The following BMP5 variants were observed in gnomAD, a reference collection of about 807,000 sequenced individuals.
BMP5 encodes bone morphogenetic protein 5.
Under a neutral mutation model 46.6 loss-of-function variants are expected in BMP5, and 23 were observed. The ratio of observed to expected loss-of-function variants is 0.49; its 90% CI spans 0.35 to 0.70. BMP5 has a LOEUF of 0.70. Ranked by LOEUF, BMP5 falls within the 30% of genes least tolerant of loss-of-function variation. BMP5 has a pLI of 0.00. For synonymous variants in BMP5, 204 were observed against 191.9 expected (o/e 1.06, Z -0.52); for missense variants, 545 against 565.6 (o/e 0.96, Z 0.37).
At chr6:55,855,762 C>T (rs1394017142) in intron 1 of BMP5, among the ~76,000 whole-genome samples, 1 of 152,078 alleles carries the variant, frequency 6.6e-6, no homozygotes, top group African/African-American at 2.4e-5. Flanking sequence ...AGTTCTTTGG[C>T]TGCTACTTTT....
intron 2 of BMP5, among the ~76,000 whole-genome samples, chr6:55,801,119 T>C (rs1485319845): frequency 2.0e-5 from 3 of 152,236 alleles, no homozygotes; most frequent in Non-Finnish European, 2.9e-5. Context: ...TTTTATACTA[T>C]ATCAATTCAA....
At chr6:55,842,471 C>G (rs1776985719) in intron 1 of BMP5, among the ~76,000 whole-genome samples, 1 of 152,126 alleles carries the variant, frequency 6.6e-6, no homozygotes, top group African/African-American at 2.4e-5. Context: ...AACACTCCCC[C>G]AGGTTTACAA....
At chr6:55,765,569 C>A (rs771387850) in intron 4 of BMP5, among the ~76,000 whole-genome samples, 1 of 151,998 alleles carries the variant, frequency 6.6e-6, no homozygotes, top group Non-Finnish European at 1.5e-5. Flanking sequence ...TTTGATATGA[C>A]CTTGGGGGTA....
intron 1 of BMP5, among the ~76,000 whole-genome samples, chr6:55,869,021 A>G (rs1777716612): frequency 6.6e-6 from 1 of 152,030 alleles, no homozygotes; most frequent in Non-Finnish European, 1.5e-5. Context: ...TTTCTCTCCA[A>G]CCCTTTCAGT....
chr6:55,775,093 G>A (rs1199512264), intron 3 of BMP5, among the ~76,000 whole-genome samples: 1 of 151,882 alleles, frequency 6.6e-6, no homozygotes, highest in East Asian at 1.9e-4. Flanking sequence ...AGACCCTTAT[G>A]TGTTCTTTGA....
intron 5 of BMP5, among the ~76,000 whole-genome samples, chr6:55,759,890 T>C (rs1199831454): frequency 6.6e-6 from 1 of 152,004 alleles, no homozygotes; most frequent in Non-Finnish European, 1.5e-5. Context: ...GGAACTCATA[T>C]ATGAGAATCC....
chr6:55,850,834 T>C (rs955968592), intron 1 of BMP5, among the ~76,000 whole-genome samples: 5 of 152,292 alleles, frequency 3.3e-5, no homozygotes, highest in African/African-American at 7.2e-5. Flanking sequence ...GTTGTGTAAA[T>C]GTGGGCCTCT....
At chr6:55,789,703 A>G (rs919101539) in intron 3 of BMP5, among the ~76,000 whole-genome samples, 2 of 152,128 alleles carry the variant, frequency 1.3e-5, no homozygotes, top group African/African-American at 4.8e-5. Flanking sequence ...CCACCATGAG[A>G]AAGTGCTTGA....
In BMP5 at chr6:55,794,184, A is replaced by C. The variant is rs1469255071; in HGVS notation, c.832+95T>G. On this transcript the variant is annotated intron_variant, in intron 3 of 6. Transcript: ENST00000370830. ...GAATGCGTTGACTTGGACATCATAA[A>C]TATAAAACATATATTGGTTATATCA... 5.9e-6 allele frequency: 8 copies of C among 1,361,058 alleles called. 1 individual carries two copies. The highest frequency in any genetic ancestry group is 8.2e-6 in the Non-Finnish European group (8 of 977,568). 84.3% of individuals were successfully genotyped at this position (1,361,058 alleles called of 1,614,324 possible).
At chr6:55,811,717 C>T (rs1562049874) in intron 2 of BMP5, among the ~76,000 whole-genome samples, 1 of 151,722 alleles carries the variant, frequency 6.6e-6, no homozygotes, top group African/African-American at 2.4e-5. Context: ...CTCTCTCTCC[C>T]TATTCTTTCC....
intron 3 of BMP5, among the ~76,000 whole-genome samples, chr6:55,779,122 C>CA (rs1435337221): frequency 3.3e-5 from 5 of 152,042 alleles, no homozygotes; most frequent in Non-Finnish European, 7.4e-5. Context: ...TCTTCAGACA[C>CA]ATGTTGATGT....
intron 2 of BMP5, among the ~76,000 whole-genome samples, chr6:55,810,756 C>A (rs887416285): frequency 1.3e-4 from 20 of 152,170 alleles, no homozygotes; most frequent in African/African-American, 4.8e-4. Flanking sequence ...GATTTCTCAA[C>A]CTTGGTACCA....
Position 55,774,099 on chromosome 6 carries a change from C to A in BMP5, c.977G>T (p.Arg326Leu). 1.2e-6 allele frequency: 2 copies of A among 1,612,878 alleles called. No homozygotes were observed. Among genetic ancestry groups the A allele is most frequent in the Non-Finnish European group, 1.7e-6 (2 of 1,179,364 alleles). Residue 326 changes from arginine to leucine, a missense_variant, in exon 4 of 7, where the codon CGC becomes CTC. By Grantham distance (102) the Arg-to-Leu change is moderately radical. Transcript: ENST00000370830. Reference protein sequence around the residue: ...RAANKRKNQNRNKSSSHQDSS... With the variant: ...RAANKRKNQNLNKSSSHQDSS... The stretch of plus-strand genomic sequence containing the variant: ...GTCCTGATGAGAGCTGGATTTATTG[C>A]GGTTTTGATTTTTTCGTTTGTTGGC...
intron 2 of BMP5, among the ~76,000 whole-genome samples, chr6:55,813,806 A>G (rs915956517): frequency 6.6e-6 from 1 of 151,518 alleles, no homozygotes; most frequent in African/African-American, 2.4e-5. Flanking sequence ...AAAAAAGGTA[A>G]TATGTGTTTT....
intron 1 of BMP5, among the ~76,000 whole-genome samples, chr6:55,845,991 G>A (rs1184311624): frequency 3.3e-5 from 5 of 151,880 alleles, no homozygotes; most frequent in African/African-American, 1.2e-4. Flanking sequence ...AGAGAGTTTG[G>A]AACTATGTAG....
intron 2 of BMP5, among the ~76,000 whole-genome samples, chr6:55,814,399 A>C (rs1776207726): frequency 6.6e-6 from 1 of 152,168 alleles, no homozygotes; most frequent in Non-Finnish European, 1.5e-5. Context: ...TTGCATTGGG[A>C]TATGCATTAG....
chr6:55,781,280 T>C (rs1022727442), intron 3 of BMP5, among the ~76,000 whole-genome samples: 17 of 152,138 alleles, frequency 1.1e-4, no homozygotes, highest in African/African-American at 4.1e-4. Context: ...CCAGTTATTA[T>C]GTGACTTTTT....
intron 4 of BMP5, chr6:55,772,687 A>T: frequency 3.5e-6 from 3 of 857,460 alleles, no homozygotes; most frequent in South Asian, 5.3e-5. Context: ...ATAAGGCACT[A>T]GTGTCATGCT....
At position 55,755,564 on chromosome 6, in the gene BMP5, T is replaced by G. The variant is rs1774568088; in HGVS notation, c.1334A>C (p.Asn445Thr). ...GCAGCCACATGAGCGTACTACCATA[T>G]TTCTATATTTTTTCAAAATGACATT... is the stretch of plus-strand genomic sequence containing the variant. ...SSNVILKKYRNMVVRSCGCH is the reference protein window; with the variant it reads ...SSNVILKKYRTMVVRSCGCH The change falls in exon 7 of 7, where the codon AAT (asparagine) becomes ACT (threonine). Residue 445 changes from asparagine to threonine, a missense_variant. By Grantham distance (65) the Asn-to-Thr change is moderately conservative. Transcript: ENST00000370830. 6.2e-7 allele frequency: 1 copy of G among 1,611,366 alleles called. No individual in the cohort carries two copies. The highest frequency in any genetic ancestry group is 8.5e-7 in the Non-Finnish European group (1 of 1,178,132).
Sources: gnomAD v4.1 joint callset for allele counts (sites outside exome capture counted in the v4.1 genomes callset) on GRCh38, gnomAD v4.1.1 for gene constraint, MANE v1.5 for transcripts, NCBI Gene and HGNC (gene_info 2026-07-23, HGNC 2026-07-21) for gene names.